The following PPFIA2 variants were observed in gnomAD, a reference collection of about 807,000 sequenced individuals.
PPFIA2 encodes liprin-alpha-2.
PPFIA2 carries 46 observed loss-of-function variants against 175.5 expected under a neutral mutation model. That is an observed-to-expected ratio of 0.26 (90% CI 0.21 to 0.34). The LOEUF (loss-of-function observed/expected upper bound fraction) is 0.34. PPFIA2 is among the 10% of genes least tolerant of loss of function. The probability of loss-of-function intolerance (pLI) is 1.00; values close to 1 mark genes in which losing one functional copy is unlikely to be tolerated. For synonymous variants in PPFIA2, 568 were observed against 511.4 expected (o/e 1.11, Z -1.49); for missense variants, 1,179 against 1,506.1 (o/e 0.78, Z 3.60).
intron 3 of PPFIA2, among the ~76,000 whole-genome samples, chr12:81,752,616 A>G (rs1167462845): frequency 1.3e-5 from 2 of 152,214 alleles, no homozygotes; most frequent in Non-Finnish European, 2.9e-5. Flanking sequence ...GGGTTTACCT[A>G]TCAGGATGTG....
At chr12:81,366,520 C>T (rs1400529535) in intron 14 of PPFIA2, among the ~76,000 whole-genome samples, 1 of 151,594 alleles carries the variant, frequency 6.6e-6, no homozygotes, top group Non-Finnish European at 1.5e-5. Flanking sequence ...TTCACAGCAG[C>T]AATATATCAT....
chr12:81,509,890 G>T (rs2061585657), intron 4 of PPFIA2, among the ~76,000 whole-genome samples: 1 of 152,094 alleles, frequency 6.6e-6, no homozygotes, highest in Non-Finnish European at 1.5e-5. Context: ...AAAAGTGAAT[G>T]TTTTTGAAAG....
intron 4 of PPFIA2, among the ~76,000 whole-genome samples, chr12:81,582,657 T>C (rs2074586210): frequency 6.6e-6 from 1 of 151,860 alleles, no homozygotes. Flanking sequence ...TAGATATATG[T>C]AAAAGTTAAA....
At chr12:81,486,750 T>C (rs2058860871) in intron 4 of PPFIA2, among the ~76,000 whole-genome samples, 1 of 151,902 alleles carries the variant, frequency 6.6e-6, no homozygotes, top group Non-Finnish European at 1.5e-5. Context: ...TCATATCCAC[T>C]CTTGGCTGAC....
In PPFIA2 at chr12:81,295,087, T is replaced by C. The variant is rs2046131130; in HGVS notation, c.2725-52A>G. On this transcript the variant is annotated intron_variant, in intron 23 of 32. Coordinates refer to ENST00000549396, the MANE Select transcript of PPFIA2 (RefSeq NM_003625.5). ...CAAATTATAATAATAGTTATCATTT[T>C]AGTGTCTCATATGCTAGGAATTATT... 4.0e-6 allele frequency: 6 copies of C among 1,483,104 alleles called. No homozygotes were observed. The South Asian group carries it at 7.2e-5, about 18-fold the overall frequency. The allele number at this position is 1,483,104 out of a possible 1,614,324, so 91.9% of individuals were successfully genotyped here. A position where few individuals can be genotyped will look rare whatever the true frequency, so the allele number is the denominator to read the frequency against.
chr12:81,319,124 T>C (rs1177022917), intron 22 of PPFIA2, among the ~76,000 whole-genome samples: 2 of 151,798 alleles, frequency 1.3e-5, no homozygotes, highest in African/African-American at 4.8e-5. Flanking sequence ...GCAGAAATTA[T>C]GGAGCCAGCA....
intron 3 of PPFIA2, among the ~76,000 whole-genome samples, chr12:81,735,317 G>A (rs991244191): frequency 6.6e-6 from 1 of 151,768 alleles, no homozygotes; most frequent in Non-Finnish European, 1.5e-5. Flanking sequence ...GGTGTGAAAT[G>A]TGGTTTTAAT....
intron 1 of PPFIA2, among the ~76,000 whole-genome samples, chr12:81,758,861 C>G (rs1922561): frequency 1.6e-4 from 24 of 152,156 alleles, no homozygotes; most frequent in African/African-American, 5.5e-4. Flanking sequence ...CGCCGCTCCC[C>G]CTCCGCGCCC....
chr12:81,489,401 C>T (rs548885930), intron 4 of PPFIA2, among the ~76,000 whole-genome samples: 2 of 151,876 alleles, frequency 1.3e-5, no homozygotes, highest in South Asian at 4.1e-4. Flanking sequence ...TTACTTTTAG[C>T]TTTCTTTATT....
chr12:81,658,670 T>C (rs2068212712), intron 4 of PPFIA2, among the ~76,000 whole-genome samples: 1 of 151,966 alleles, frequency 6.6e-6, no homozygotes, highest in Admixed American at 6.6e-5. Context: ...TGTGTGTATA[T>C]GTGCATACAT....
At chr12:81,455,480 C>T (rs953245603) in intron 5 of PPFIA2, among the ~76,000 whole-genome samples, 117 of 152,270 alleles carry the variant, frequency 7.7e-4, no homozygotes, top group African/African-American at 2.6e-3. Context: ...TCAATGGCTT[C>T]AATATCTGTT....
rs1197698174 is a variant in PPFIA2, at chr12:81,445,538, T to G, written c.570+18A>C. 3.7e-6 allele frequency: 6 copies of G among 1,607,122 alleles called. No homozygotes were observed. The highest frequency in any genetic ancestry group is 5.1e-6 in the Non-Finnish European group (6 of 1,176,514). On this transcript the variant is annotated intron_variant, in intron 6 of 32. Transcript: ENST00000549396. Reference sequence around the variant, plus strand: ...GACAGAAGTGTAGTTAAGCTTGAACTCTTTTTCCATACTATACCTTTTCAT... The same window carrying G: ...GACAGAAGTGTAGTTAAGCTTGAACGCTTTTTCCATACTATACCTTTTCAT...
chr12:81,575,203 C>T (rs1440947393), intron 4 of PPFIA2, among the ~76,000 whole-genome samples: 1 of 151,730 alleles, frequency 6.6e-6, no homozygotes, highest in East Asian at 1.9e-4. Flanking sequence ...CCCTTATCCA[C>T]AATGGAAATA....
intron 4 of PPFIA2, among the ~76,000 whole-genome samples, chr12:81,674,725 T>C (rs1291786201): frequency 1.3e-5 from 2 of 152,054 alleles, no homozygotes; most frequent in African/African-American, 2.4e-5. Flanking sequence ...TTGAAATTGA[T>C]TTAGATTATG....
intron 6 of PPFIA2, among the ~76,000 whole-genome samples, chr12:81,441,033 ATTATAT>A (rs1415905696): frequency 6.6e-6 from 1 of 151,506 alleles, no homozygotes; most frequent in Non-Finnish European, 1.5e-5. Flanking sequence ...TTAACATATA[ATTATAT>A]TCCTATGAGC....
intron 4 of PPFIA2, among the ~76,000 whole-genome samples, chr12:81,663,637 C>T (rs1174988041): frequency 2.0e-5 from 3 of 152,098 alleles, no homozygotes; most frequent in East Asian, 1.9e-4. Flanking sequence ...AGATTCAATG[C>T]CATTCCCATC....
chr12:81,267,215 G>C, intron 29 of PPFIA2, 195 bp from the exon 30 acceptor site: 1 of 507,782 alleles, frequency 2.0e-6, no homozygotes, highest in African/African-American at 2.2e-5. Flanking sequence ...TTTTTTTTCT[G>C]TGAACAGTAG....
At chr12:81,605,693 A>ATCTAT (rs55909659) in intron 4 of PPFIA2, among the ~76,000 whole-genome samples, 1 of 145,546 alleles carries the variant, frequency 6.9e-6, no homozygotes, top group African/African-American at 2.8e-5. Context: ...CTATCTATCT[A>ATCTAT]ATCTGTCTAT....
chr12:81,291,062 A>T (rs528983827), intron 24 of PPFIA2, among the ~76,000 whole-genome samples: 1 of 151,984 alleles, frequency 6.6e-6, no homozygotes, highest in East Asian at 1.9e-4. Context: ...ATGTGAAATA[A>T]TCCATTTATA....
Sources: gnomAD v4.1 joint callset for allele counts (sites outside exome capture counted in the v4.1 genomes callset) on GRCh38, gnomAD v4.1.1 for gene constraint, MANE v1.5 for transcripts, NCBI Gene and HGNC (gene_info 2026-07-23, HGNC 2026-07-21) for gene names.